The following GALNT13 variants were observed in gnomAD, a reference collection of about 807,000 sequenced individuals.
The protein encoded by GALNT13 is UDP-GalNAc:polypeptide N-acetylgalactosaminyltransferase 13.
A neutral mutation model predicts 64.2 loss-of-function variants in GALNT13; 28 were observed. The ratio of observed to expected loss-of-function variants is 0.44; its 90% CI spans 0.32 to 0.60. The LOEUF (loss-of-function observed/expected upper bound fraction) is 0.60. Among genes scored for constraint, GALNT13 ranks in the 20% least tolerant of loss-of-function variants. The probability of loss-of-function intolerance (pLI) is 0.05; values close to 1 mark genes in which losing one functional copy is unlikely to be tolerated. For synonymous variants in GALNT13, 214 were observed against 224.6 expected, an observed-to-expected ratio of 0.95 and a Z score of 0.42; for missense variants, 577 against 669.8, an observed-to-expected ratio of 0.86 and a Z score of 1.53.
At chr2:153,628,759 T>C in the GALNT13 span, among the ~76,000 whole-genome samples, 1 of 152,230 alleles carries the variant, frequency 6.6e-6, no homozygotes, top group Non-Finnish European at 1.5e-5. Context: ...AGTATTTTAT[T>C]GAGGATTTTT....
At chr2:153,371,482 G>T in the GALNT13 span, among the ~76,000 whole-genome samples, 3 of 152,048 alleles carry the variant, frequency 2.0e-5, no homozygotes, top group Admixed American at 2.0e-4. Flanking sequence ...AGGTTGTAAG[G>T]TACAATGTCA....
the GALNT13 span, among the ~76,000 whole-genome samples, chr2:153,603,163 A>G: frequency 6.6e-6 from 1 of 151,898 alleles, no homozygotes; most frequent in Non-Finnish European, 1.5e-5. Context: ...GTTTCAGCCA[A>G]TGGAACATGA....
intron 2 of GALNT13, among the ~76,000 whole-genome samples, chr2:153,903,904 C>T (rs368969931): frequency 6.6e-6 from 1 of 152,020 alleles, no homozygotes; most frequent in East Asian, 1.9e-4. Context: ...ACTTTTTCTG[C>T]CTGCCAGCCA....
chr2:153,598,645 T>C, the GALNT13 span, among the ~76,000 whole-genome samples: 3 of 152,108 alleles, frequency 2.0e-5, no homozygotes, highest in Non-Finnish European at 4.4e-5. Context: ...ACATTGTAAG[T>C]ACACAGTACT....
the GALNT13 span, among the ~76,000 whole-genome samples, chr2:153,604,398 C>T: frequency 1.3e-5 from 2 of 152,000 alleles, no homozygotes; most frequent in Non-Finnish European, 2.9e-5. Flanking sequence ...CTCTGTAGCT[C>T]TTTCTGTTGT....
chr2:153,678,119 T>C, the GALNT13 span, among the ~76,000 whole-genome samples: 2 of 149,162 alleles, frequency 1.3e-5, no homozygotes, highest in Admixed American at 6.7e-5. Context: ...ACCTACAGAA[T>C]GGGAGAAAAT....
At chr2:154,217,757 A>C (rs2105815234) in intron 4 of GALNT13, among the ~76,000 whole-genome samples, 1 of 152,332 alleles carries the variant, frequency 6.6e-6, no homozygotes, top group East Asian at 1.9e-4. Context: ...AAAATAAATT[A>C]AAACTGCATG....
At chr2:153,369,799 G>T in the GALNT13 span, among the ~76,000 whole-genome samples, 38 of 152,250 alleles carry the variant, frequency 2.5e-4, no homozygotes, top group Admixed American at 9.8e-4. Flanking sequence ...AAGGGACTAA[G>T]GCCTGACAAT....
chr2:153,709,103 A>C, the GALNT13 span, among the ~76,000 whole-genome samples: 21 of 152,124 alleles, frequency 1.4e-4, no homozygotes, highest in African/African-American at 5.1e-4. Flanking sequence ...CCCTGAAAGC[A>C]CAGAGAATGA....
intron 8 of GALNT13, among the ~76,000 whole-genome samples, chr2:154,268,280 G>T (rs1691130930): frequency 6.6e-6 from 1 of 152,156 alleles, no homozygotes; most frequent in Non-Finnish European, 1.5e-5. Flanking sequence ...GGTGAATTTT[G>T]TAATAATTAT....
the GALNT13 span, among the ~76,000 whole-genome samples, chr2:153,329,065 C>T: frequency 6.6e-6 from 1 of 152,020 alleles, no homozygotes; most frequent in Non-Finnish European, 1.5e-5. Flanking sequence ...GGAGGGAGTT[C>T]CCAGACCTCT....
At chr2:153,997,204 A>G (rs1286428859) in intron 3 of GALNT13, among the ~76,000 whole-genome samples, 1 of 152,088 alleles carries the variant, frequency 6.6e-6, no homozygotes, top group Admixed American at 6.6e-5. Flanking sequence ...TATTTTTTGA[A>G]TGAATGCCAT....
At chr2:153,816,589 C>T in the GALNT13 span, among the ~76,000 whole-genome samples, 18 of 151,692 alleles carry the variant, frequency 1.2e-4, no homozygotes, top group African/African-American at 4.1e-4. Context: ...AGAGACAGAA[C>T]CAATACAATG....
At chr2:154,254,032 G>T (rs1690232553) in intron 7 of GALNT13, among the ~76,000 whole-genome samples, 1 of 152,154 alleles carries the variant, frequency 6.6e-6, no homozygotes, top group Non-Finnish European at 1.5e-5. Context: ...AGTATGTCTT[G>T]ATTGAGGGAG....
At chr2:154,306,459 C>T (rs1023626564) in intron 9 of GALNT13, among the ~76,000 whole-genome samples, 1 of 151,978 alleles carries the variant, frequency 6.6e-6, no homozygotes, top group Non-Finnish European at 1.5e-5. Flanking sequence ...TTCTCCTTGC[C>T]CACTGCCCAG....
chr2:153,809,768 G>A, the GALNT13 span, among the ~76,000 whole-genome samples: 1 of 151,988 alleles, frequency 6.6e-6, no homozygotes, highest in Non-Finnish European at 1.5e-5. Flanking sequence ...TGCTTTCTCT[G>A]TTGTTTTAAT....
At chr2:153,874,387 C>T (rs1195472002) in intron 1 of GALNT13, among the ~76,000 whole-genome samples, 1 of 151,832 alleles carries the variant, frequency 6.6e-6, no homozygotes, top group Non-Finnish European at 1.5e-5. Context: ...TGATGCTTAT[C>T]CCATTCCAGG....
chr2:154,227,052 T>C (rs1388275323), intron 4 of GALNT13, among the ~76,000 whole-genome samples: 1 of 152,122 alleles, frequency 6.6e-6, no homozygotes, highest in South Asian at 2.1e-4. Flanking sequence ...CCACTTCATC[T>C]AAAGATGCAA....
intron 3 of GALNT13, among the ~76,000 whole-genome samples, chr2:153,949,484 T>A (rs1378411726): frequency 6.7e-6 from 1 of 149,984 alleles, no homozygotes; most frequent in African/African-American, 2.5e-5. Context: ...GAGTCCAGGC[T>A]GGGCAATATA....
Sources: allele counts gnomAD v4.1 joint callset (sites outside exome capture counted in the v4.1 genomes callset), GRCh38; gene constraint gnomAD v4.1.1; transcripts MANE v1.5; gene names NCBI Gene and HGNC (gene_info 2026-07-23, HGNC 2026-07-21).